DLGAP2: variants seen among roughly 807,000 people sequenced by gnomAD.
The protein encoded by DLGAP2 is disks large-associated protein 2.
In DLGAP2, 26 loss-of-function variants were observed where a neutral mutation model predicts 100.3. The ratio of observed to expected loss-of-function variants is 0.26; its 90% CI spans 0.19 to 0.36. DLGAP2 has a LOEUF of 0.36. Among genes scored for constraint, DLGAP2 ranks in the 10% least tolerant of loss-of-function variants. The probability of loss-of-function intolerance (pLI) is 1.00; values close to 1 mark genes in which losing one functional copy is unlikely to be tolerated. For synonymous variants in DLGAP2, 886 were observed against 630.1 expected (o/e 1.41, Z -6.08); for missense variants, 1,858 against 1,453.2 (o/e 1.28, Z -4.53).
chr8:1,465,502 G>A (rs754772701), intron 3 of DLGAP2, among the ~76,000 whole-genome samples: 18 of 152,220 alleles, frequency 1.2e-4, no homozygotes, highest in South Asian at 6.2e-4. Context: ...ACCCATGTTT[G>A]GTGGTTTATT....
intron 3 of DLGAP2, among the ~76,000 whole-genome samples, chr8:1,260,413 A>G (rs1799322285): frequency 6.6e-6 from 1 of 152,130 alleles, no homozygotes; most frequent in Non-Finnish European, 1.5e-5. Flanking sequence ...TGTTTCTAAT[A>G]ACAAATGTCT....
At chr8:1,474,231 A>G (rs1471165415) in intron 3 of DLGAP2, among the ~76,000 whole-genome samples, 1 of 152,066 alleles carries the variant, frequency 6.6e-6, no homozygotes, top group Non-Finnish European at 1.5e-5. Context: ...TTTTTGGCTG[A>G]TTTGTATTCC....
chr8:1,562,712 G>GTGTCT (rs1802219523), intron 5 of DLGAP2, among the ~76,000 whole-genome samples: 2 of 34,358 alleles, frequency 5.8e-5, no homozygotes, highest in Non-Finnish European at 1.1e-4. Flanking sequence ...GTGGTGTTGG[G>GTGTCT]GTGTCCGCGC....
At chr8:1,165,212 G>A (rs1289482942) in intron 2 of DLGAP2, among the ~76,000 whole-genome samples, 3 of 146,682 alleles carry the variant, frequency 2.0e-5, no homozygotes, top group Admixed American at 6.8e-5. Flanking sequence ...TAGAGGGGGA[G>A]ATGGGGGGGC....
At chr8:815,904 T>C (rs910983135) in intron 1 of DLGAP2, among the ~76,000 whole-genome samples, 4 of 152,224 alleles carry the variant, frequency 2.6e-5, no homozygotes, top group Non-Finnish European at 5.9e-5. Flanking sequence ...GTTAGTTACA[T>C]ATATATTTAG....
intron 3 of DLGAP2, among the ~76,000 whole-genome samples, chr8:1,459,912 C>T (rs1798426918): frequency 6.6e-6 from 1 of 152,146 alleles, no homozygotes; most frequent in South Asian, 2.1e-4. Flanking sequence ...TCTCAAACTC[C>T]TGATCTCAAG....
chr8:1,383,213 T>TTGAAAAAAA lies in DLGAP2; in HGVS notation c.107-118152_107-118151insGAAAAAAAT, dbSNP rs1796136615. 2.6e-5 allele frequency among the ~76,000 whole-genome samples: 4 copies of TTGAAAAAAA among 152,360 alleles called. No homozygotes were observed. The South Asian group carries it at 8.3e-4, about 32-fold the overall frequency. On this transcript the variant is annotated intron_variant, in intron 3 of 14. Coordinates refer to ENST00000637795, the MANE Select transcript of DLGAP2 (RefSeq NM_001346810.2). ...TTTGTAACGAGAAAAATAAGGGATT[T>TTGAAAAAAA]TTATTTTGAAAAAAATAATTACACG...
At chr8:1,231,592 A>C (rs534952564) in intron 2 of DLGAP2, among the ~76,000 whole-genome samples, 1 of 152,354 alleles carries the variant, frequency 6.6e-6, no homozygotes, top group Admixed American at 6.5e-5. Flanking sequence ...CTAGGCATGC[A>C]ACACAGGTGG....
intron 1 of DLGAP2, among the ~76,000 whole-genome samples, chr8:747,484 T>G (rs1820653663): frequency 6.7e-6 from 1 of 148,250 alleles, no homozygotes; most frequent in African/African-American, 2.5e-5. Context: ...ACAGGCCACG[T>G]TCCAGCCGAG....
intron 9 of DLGAP2, 141 bp from the exon 10 acceptor site, chr8:1,669,602 G>A: frequency 1.5e-6 from 1 of 686,334 alleles, no homozygotes; most frequent in South Asian, 1.6e-5. Context: ...GCCCAGGGAG[G>A]AGGGTGAGTG....
rs549742091 is a variant in DLGAP2, at chr8:1,543,620, A to G, written c.173-5006A>G. 5.9e-5 allele frequency among the ~76,000 whole-genome samples: 9 copies of G among 152,188 alleles called. No individual in the cohort carries two copies. In the South Asian group the frequency reaches 1.7e-3, roughly 28 times the overall value. ...GGGATCCATAAGTGTGAGTCTTCCAACCTGGTTCTTCTCTTTCAAGATTGT... is the reference window on the plus strand; with the variant it reads ...GGGATCCATAAGTGTGAGTCTTCCAGCCTGGTTCTTCTCTTTCAAGATTGT... On this transcript the variant is annotated intron_variant, in intron 4 of 14. Coordinates refer to ENST00000637795, the MANE Select transcript of DLGAP2 (RefSeq NM_001346810.2).
At chr8:1,557,996 G>C (rs1584925269) in intron 5 of DLGAP2, among the ~76,000 whole-genome samples, 1 of 152,238 alleles carries the variant, frequency 6.6e-6, no homozygotes, top group Non-Finnish European at 1.5e-5. Context: ...GGGGAAGGCA[G>C]CTTTCTCCCG....
intron 2 of DLGAP2, among the ~76,000 whole-genome samples, chr8:1,036,173 C>T (rs1472132406): frequency 8.0e-5 from 12 of 149,476 alleles, no homozygotes; most frequent in African/African-American, 2.7e-4. Context: ...ACGCTCATCC[C>T]GACCCCGCGT....
At chr8:979,650 C>T (rs911473652) in intron 2 of DLGAP2, among the ~76,000 whole-genome samples, 8 of 152,198 alleles carry the variant, frequency 5.3e-5, no homozygotes, top group Admixed American at 2.0e-4. Context: ...GCCCTCTGAG[C>T]GTCAGGAAGG....
At chr8:1,425,254 G>C (rs1797206410) in intron 3 of DLGAP2, among the ~76,000 whole-genome samples, 1 of 152,156 alleles carries the variant, frequency 6.6e-6, no homozygotes, top group Non-Finnish European at 1.5e-5. Flanking sequence ...ATATCTGTCT[G>C]TATTTTAAAG....
chr8:1,273,318 G>A lies in DLGAP2; in HGVS notation c.106+14435G>A, dbSNP rs189946873. Among the ~76,000 whole-genome samples, 134 of 152,274 alleles carry A rather than the reference G, an allele frequency of 8.8e-4. 2 individuals carry two copies. The highest frequency in any genetic ancestry group is 2.4e-4 in the Non-Finnish European group (16 of 68,022). On this transcript the variant is annotated intron_variant, in intron 3 of 14. Transcript: ENST00000637795. The stretch of plus-strand genomic sequence containing the variant: ...TGGGCTGCTCTGAGAGAGCCCTGCT[G>A]GGGACTTGAGTCCCTGTTGCCAGCT...
At chr8:907,841 C>G (rs1185252003) in intron 1 of DLGAP2, 71 bp from the exon 2 acceptor site, 3 of 398,046 alleles carry the variant, frequency 7.5e-6, no homozygotes, top group African/African-American at 4.1e-5. Flanking sequence ...GAAACACTCG[C>G]AACAGTTAAT....
intron 4 of DLGAP2, among the ~76,000 whole-genome samples, chr8:1,525,428 G>A (rs964648598): frequency 1.3e-5 from 2 of 151,938 alleles, no homozygotes; most frequent in African/African-American, 4.8e-5. Flanking sequence ...CATTTTTTCT[G>A]AGCTGCGCAG....
intron 2 of DLGAP2, among the ~76,000 whole-genome samples, chr8:960,598 T>G (rs906909922): frequency 3.3e-5 from 5 of 152,196 alleles, no homozygotes; most frequent in African/African-American, 1.2e-4. Context: ...AAAAGGCTAC[T>G]CTCACTTGTG....
Sources: allele counts gnomAD v4.1 joint callset (sites outside exome capture counted in the v4.1 genomes callset), GRCh38; gene constraint gnomAD v4.1.1; transcripts MANE v1.5; gene names NCBI Gene and HGNC (gene_info 2026-07-23, HGNC 2026-07-21).